SLC26A11: variants seen among roughly 807,000 people sequenced by gnomAD.
SLC26A11 encodes the protein sodium-independent sulfate anion transporter.
Under a neutral mutation model 62.2 loss-of-function variants are expected in SLC26A11, and 58 were observed. The observed-to-expected ratio is 0.93, with a 90% CI of 0.76 to 1.16. SLC26A11 has a LOEUF of 1.16. Ranked by LOEUF, SLC26A11 falls within the 50% of genes most tolerant of loss-of-function variation. The pLI is 0.00. For missense variants in SLC26A11, 790 were observed against 794.3 expected (o/e 0.99, Z 0.06); for synonymous variants, 411 against 368.9 (o/e 1.11, Z -1.31).
intron 7 of SLC26A11, among the ~76,000 whole-genome samples, chr17:80,229,303 T>C (rs2042497367): frequency 6.6e-6 from 1 of 151,870 alleles, no homozygotes; most frequent in Non-Finnish European, 1.5e-5. Flanking sequence ...GGGTTTAGAG[T>C]GGAGATGTCC....
rs756212450 is a variant in SLC26A11, at chr17:80,237,534, G to C, written c.925G>C (p.Gly309Arg). 2 of 1,611,056 alleles carry C rather than the reference G, an allele frequency of 1.2e-6. No homozygotes were observed. Among genetic ancestry groups the C allele is most frequent in the Non-Finnish European group, 1.7e-6 (2 of 1,178,872 alleles). The change falls in exon 9 of 18, where the codon GGG (glycine) becomes CGG (arginine). Residue 309 changes from glycine (G) to arginine (R), a missense_variant. Coordinates refer to ENST00000361193, the MANE Select transcript of SLC26A11 (RefSeq NM_001166347.2). ...TCTCCTCTCTCAGGACATGGGAGCC[G>C]GGCTGGCCGTGGTGCCCCTGATGGG... is the stretch of plus-strand genomic sequence containing the variant. ...FTEMVQDMGAGLAVVPLMGLL... is the reference protein window; with the variant it reads ...FTEMVQDMGARLAVVPLMGLL...
intron 5 of SLC26A11, among the ~76,000 whole-genome samples, chr17:80,225,348 C>T (rs1048753154): frequency 7.9e-5 from 12 of 152,232 alleles, no homozygotes; most frequent in South Asian, 2.1e-4. Context: ...CTGCACACTA[C>T]GAAGAGATTT....
chr17:80,247,856 C>G (rs540959788), intron 13 of SLC26A11, among the ~76,000 whole-genome samples: 1 of 152,344 alleles, frequency 6.6e-6, no homozygotes, highest in South Asian at 2.1e-4. Context: ...TGTGCCCTGA[C>G]AAGCCCCTGC....
intron 7 of SLC26A11, among the ~76,000 whole-genome samples, chr17:80,231,388 T>G: frequency 6.6e-6 from 1 of 152,080 alleles, no homozygotes; most frequent in Non-Finnish European, 1.5e-5. Flanking sequence ...GGTCTCGAAC[T>G]CCTGAACTCA....
intron 2 of SLC26A11, 115 bp downstream of exon 2, chr17:80,221,230 T>C (rs1158686160): frequency 1.6e-5 from 5 of 306,184 alleles, no homozygotes; most frequent in Non-Finnish European, 3.0e-5. Context: ...TGAGCCTAAT[T>C]AGTCTTCAGA....
chr17:80,225,944 A>G (rs1422068407), intron 6 of SLC26A11, 28 bp downstream of exon 6: 3 of 1,601,448 alleles, frequency 1.9e-6, no homozygotes, highest in South Asian at 1.1e-5. Context: ...CCTCCCTCCT[A>G]TAAGGAAGCT....
intron 6 of SLC26A11, 57 bp downstream of exon 6, chr17:80,225,973 C>T (rs1052866180): frequency 6.6e-7 from 1 of 1,515,482 alleles, no homozygotes; most frequent in Non-Finnish European, 9.2e-7. Context: ...CACACCTCCT[C>T]TCCCGGCCCC....
At chr17:80,237,858 TG>T (rs1057067906) in intron 9 of SLC26A11, among the ~76,000 whole-genome samples, 4 of 152,250 alleles carry the variant, frequency 2.6e-5, no homozygotes, top group Admixed American at 2.6e-4. Context: ...TTTTGCTTCG[TG>T]GCCCTTGCCG....
intron 9 of SLC26A11, among the ~76,000 whole-genome samples, chr17:80,238,866 C>T (rs1229688401): frequency 1.5e-5 from 2 of 133,568 alleles, no homozygotes; most frequent in African/African-American, 6.0e-5. Flanking sequence ...CACTCTGTGG[C>T]CCAGGCTGGA....
rs2042251876 is a variant in SLC26A11 at position 80,222,567 on chromosome 17, C to T, written c.235-88C>T. On this transcript the variant is annotated intron_variant, in intron 3 of 17. Coordinates refer to ENST00000361193, the MANE Select transcript of SLC26A11 (RefSeq NM_001166347.2). This position sits in a 1 kb window ranked among gnomAD's most constrained non-coding sequence, Gnocchi z 4.7. ...ACCTGGGCCTGGACACAGCTGACAC[C>T]CACACATCCCGAGCTTGGACACGCA... is the stretch of plus-strand genomic sequence containing the variant. 1 of 1,370,428 alleles carries T rather than the reference C, an allele frequency of 7.3e-7. No homozygotes were observed. The highest frequency in any genetic ancestry group is 1.0e-6 in the Non-Finnish European group (1 of 979,962). 84.9% of individuals were successfully genotyped at this position (1,370,428 alleles called of 1,614,324 possible).
At chr17:80,236,637 C>T (rs868782928) in intron 7 of SLC26A11, among the ~76,000 whole-genome samples, 2 of 152,282 alleles carry the variant, frequency 1.3e-5, no homozygotes, top group Middle Eastern at 3.4e-3. Flanking sequence ...TGCCCTGGGC[C>T]ACCTGATTTC....
At chr17:80,238,404 T>C (rs2042757694) in intron 9 of SLC26A11, among the ~76,000 whole-genome samples, 1 of 152,170 alleles carries the variant, frequency 6.6e-6, no homozygotes, top group Non-Finnish European at 1.5e-5. Flanking sequence ...CTATGTTTAG[T>C]AACAGGCTCA....
intron 3 of SLC26A11, 196 bp downstream of exon 3, chr17:80,221,990 C>CTGGT: frequency 1.6e-6 from 1 of 610,746 alleles, no homozygotes; most frequent in Non-Finnish European, 2.8e-6. Flanking sequence ...AGACACTGAG[C>CTGGT]TGGTTATGGA....
At chr17:80,221,427 C>T (rs888822615) in intron 2 of SLC26A11, 121 bp from the exon 3 acceptor site, 1 of 685,824 alleles carries the variant, frequency 1.5e-6, no homozygotes, top group Non-Finnish European at 2.4e-6. Flanking sequence ...GAGCCGTTCG[C>T]CCCCCTGGGG....
chr17:80,242,040 G>A (rs1046395376), intron 10 of SLC26A11, among the ~76,000 whole-genome samples: 2 of 152,330 alleles, frequency 1.3e-5, no homozygotes, highest in East Asian at 1.9e-4. Context: ...GCAGTGGCAC[G>A]ATCTTGGCTC....
rs1206646436 is a variant in SLC26A11, at chr17:80,223,192, C to T, written c.428-60C>T. ...CCACCTTCCCCAGCTCACATCTCCC[C>T]TCATCCTCTGGGACTGGGTGGAGCC... On this transcript the variant is annotated intron_variant, in intron 4 of 17. Coordinates refer to ENST00000361193, the MANE Select transcript of SLC26A11 (RefSeq NM_001166347.2). The surrounding 1 kb of genome is among the most constrained non-coding windows in gnomAD (Gnocchi z 4.6). The T allele has an allele frequency of 9.9e-6, 15 of 1,507,846 alleles. No individual in the cohort carries two copies. The highest frequency in any genetic ancestry group is 6.8e-5 in the East Asian group (3 of 43,870). 93.4% of individuals were successfully genotyped at this position (1,507,846 alleles called of 1,614,324 possible).
Position 80,221,609 on chromosome 17 carries a change from G to A in SLC26A11, c.49G>A (p.Gly17Arg). The change falls in exon 3 of 18, where the codon GGG becomes AGG. Residue 17 changes from glycine to arginine, a missense_variant. Gly to Arg is a moderately radical substitution (Grantham distance 125). Transcript: ENST00000361193. ...ALGQARSSGP[G>R]MAPSACCCSP... ...GGGTCAGGCCAGGTCCTCTGGCCCC[G>A]GGATGGCCCCGAGCGCCTGCTGCTG... is the stretch of plus-strand genomic sequence containing the variant. 3 of 1,607,972 alleles carry A rather than the reference G, an allele frequency of 1.9e-6. No homozygotes were observed. The highest frequency in any genetic ancestry group is 2.5e-6 in the Non-Finnish European group (3 of 1,179,562).
rs1056664594 is a variant in SLC26A11 at position 80,223,124 on chromosome 17, C to G, written c.428-128C>G. 1.1e-6 allele frequency: 1 copy of G among 890,578 alleles called. No individual in the cohort carries two copies. The allele number at this position is 890,578 out of a possible 1,614,324, so 55.2% of individuals were successfully genotyped here. ...AACAGCCAAACAGGGTGTGTTACCC[C>G]CAGTCCTTAGCTGCGGTATCTGCTC... On this transcript the variant is annotated intron_variant, in intron 4 of 17. Transcript: ENST00000361193. The surrounding 1 kb of genome is among the most constrained non-coding windows in gnomAD (Gnocchi z 4.6).
At chr17:80,240,686 C>T (rs1342919048) in intron 9 of SLC26A11, among the ~76,000 whole-genome samples, 2 of 151,880 alleles carry the variant, frequency 1.3e-5, no homozygotes, top group Non-Finnish European at 1.5e-5. Flanking sequence ...CCCTGTAGTC[C>T]CAGCTACTCA....
Sources: allele counts gnomAD v4.1 joint callset (sites outside exome capture counted in the v4.1 genomes callset), GRCh38; gene constraint gnomAD v4.1.1; non-coding constraint Gnocchi (gnomAD v3.1); transcripts MANE v1.5; gene names NCBI Gene and HGNC (gene_info 2026-07-23, HGNC 2026-07-21).